ETV1: variants seen among roughly 807,000 people sequenced by gnomAD.
The protein encoded by ETV1 is ETS variant transcription factor 1.
In ETV1, 27 loss-of-function variants were observed where a neutral mutation model predicts 62.3. That is an observed-to-expected ratio of 0.43 (90% CI 0.32 to 0.60). The LOEUF is 0.60. Among genes scored for constraint, ETV1 ranks in the 20% least tolerant of loss-of-function variants. The pLI, the probability that ETV1 is intolerant of heterozygous loss-of-function variation, is 0.06. For synonymous variants in ETV1, 222 were observed against 199.6 expected (o/e 1.11, Z -0.94); for missense variants, 605 against 605.8 (o/e 1.00, Z 0.01).
upstream of ETV1, chr7:13,991,134 T>C (rs1300024768): frequency 6.6e-6 from 1 of 152,206 alleles, no homozygotes; most frequent in Non-Finnish European, 1.5e-5. Context: ...ATAAGCATTT[T>C]GAGCGGGAAC....
chr7:13,952,574 C>T (rs753137479), intron 6 of ETV1, among the ~76,000 whole-genome samples: 21 of 151,986 alleles, frequency 1.4e-4, no homozygotes, highest in Non-Finnish European at 2.8e-4. Flanking sequence ...ACATAATGCA[C>T]GTTAGAAAGA....
intron 9 of ETV1, among the ~76,000 whole-genome samples, chr7:13,914,405 T>C (rs1022728110): frequency 6.6e-6 from 1 of 152,090 alleles, no homozygotes; most frequent in Non-Finnish European, 1.5e-5. Context: ...GCCTATAATT[T>C]GTTACAGATG....
rs371614424 is a variant in ETV1 at position 13,939,193 on chromosome 7, A to G, written c.289T>C (p.Ser97Pro). Residue 97 changes from serine to proline, a missense_variant, in exon 7 of 14, where the codon TCA becomes CCA. Physicochemically the swap from Ser to Pro is moderately conservative, Grantham distance 74. Around this residue, in one of 3 missense-constraint regions of ETV1, gnomAD observed 426 missense variants for 377.8 expected, o/e 1.13. Transcript: ENST00000430479. ...KIKKEPHSPCSEISSACSQEQ... is the reference protein window; with the variant it reads ...KIKKEPHSPCPEISSACSQEQ... ...TGACTGCAGGCAGAGCTGATTTCTG[A>G]ACATGGACTGTGGGGTTCTTTCTTG... 1.2e-4 allele frequency: 192 copies of G among 1,612,918 alleles called. No homozygotes were observed. Among genetic ancestry groups the G allele is most frequent in the Middle Eastern group, 4.9e-4 (3 of 6,078 alleles).
chr7:13,979,655 A>T (rs532181201), intron 5 of ETV1, among the ~76,000 whole-genome samples: 1 of 152,174 alleles, frequency 6.6e-6, no homozygotes, highest in East Asian at 1.9e-4. Context: ...AGCTAAACAG[A>T]TATAACTATT....
chr7:13,918,866 A>C (rs1029671325), intron 9 of ETV1, among the ~76,000 whole-genome samples: 7 of 84,132 alleles, frequency 8.3e-5, no homozygotes, highest in African/African-American at 4.2e-4. Flanking sequence ...CTAAAACTTA[A>C]AGTATAATAA....
chr7:13,903,381 G>A (rs1259369434), intron 12 of ETV1, among the ~76,000 whole-genome samples: 1 of 152,158 alleles, frequency 6.6e-6, no homozygotes, highest in Non-Finnish European at 1.5e-5. Context: ...CTGGCTATCA[G>A]ACTTCCTGGT....
intron 13 of ETV1, among the ~76,000 whole-genome samples, chr7:13,897,329 G>A (rs906252834): frequency 1.3e-5 from 2 of 152,094 alleles, no homozygotes; most frequent in African/African-American, 2.4e-5. Flanking sequence ...TGTGTTCCTG[G>A]GTTATAAAGT....
intron 9 of ETV1, among the ~76,000 whole-genome samples, chr7:13,929,330 T>C (rs1411010550): frequency 6.6e-6 from 1 of 152,166 alleles, no homozygotes; most frequent in Non-Finnish European, 1.5e-5. Context: ...TCTTATACAA[T>C]CTGTTAAAAT....
chr7:13,988,719 C>CT (rs1227319647), intron 3 of ETV1: 5 of 1,612,518 alleles, frequency 3.1e-6, no homozygotes, highest in Non-Finnish European at 3.4e-6. Context: ...CAGCCAAAAA[C>CT]TTTGAGTGCA....
At chr7:13,961,312 G>T (rs1279797844) in intron 6 of ETV1, among the ~76,000 whole-genome samples, 5 of 152,028 alleles carry the variant, frequency 3.3e-5, no homozygotes, top group African/African-American at 9.7e-5. Context: ...GGTGATCTTT[G>T]GTCATTCACA....
chr7:13,906,562 T>A lies in ETV1; in HGVS notation c.978A>T (p.Gly326=). The change falls in exon 12 of 14, where the codon GGA becomes GGT. Residue 326 remains glycine, a synonymous_variant. Transcript: ENST00000430479. ...IKQEPGMYRE[G]PTYQRRGSLQ... The stretch of plus-strand genomic sequence containing the variant: ...GTGATCCTCGCCGTTGGTATGTGGG[T>A]CCTTCCCGATACATTCCTGGCTCTT... The A allele has an allele frequency of 6.2e-7, 1 of 1,611,984 alleles. No homozygotes were observed. The highest frequency in any genetic ancestry group is 8.5e-7 in the Non-Finnish European group (1 of 1,179,064).
chr7:13,979,649 A>G (rs61474076), intron 5 of ETV1, among the ~76,000 whole-genome samples: 1 of 152,128 alleles, frequency 6.6e-6, no homozygotes, highest in South Asian at 2.1e-4. Flanking sequence ...ATTAACAGCT[A>G]AACAGATATA....
intron 9 of ETV1, among the ~76,000 whole-genome samples, chr7:13,930,746 A>G (rs2128448949): frequency 6.6e-6 from 1 of 152,108 alleles, no homozygotes; most frequent in East Asian, 1.9e-4. Flanking sequence ...CCCTCTTAAT[A>G]TGTAAGAATT....
chr7:13,971,729 T>C (rs1030855534), intron 6 of ETV1, among the ~76,000 whole-genome samples: 3 of 152,224 alleles, frequency 2.0e-5, no homozygotes, highest in Non-Finnish European at 2.9e-5. Flanking sequence ...AATGAACTAA[T>C]GTAACCAAAT....
intron 7 of ETV1, 56 bp from the exon 8 acceptor site, chr7:13,935,952 A>C (rs2128456336): frequency 7.3e-7 from 1 of 1,364,860 alleles, no homozygotes; most frequent in Non-Finnish European, 1.0e-6. Flanking sequence ...AATTTTTTAA[A>C]AAAGTTTCTA....
chr7:13,898,888 A>T (rs929138601), intron 13 of ETV1, among the ~76,000 whole-genome samples: 6 of 152,304 alleles, frequency 3.9e-5, no homozygotes, highest in African/African-American at 1.4e-4. Flanking sequence ...AGTTCCAGCT[A>T]CTCAGGAGGC....
At chr7:13,920,162 C>G (rs1297819338) in intron 9 of ETV1, among the ~76,000 whole-genome samples, 1 of 152,134 alleles carries the variant, frequency 6.6e-6, no homozygotes, top group Non-Finnish European at 1.5e-5. Flanking sequence ...CCCTTTCCTG[C>G]CTGTAAAATC....
intron 3 of ETV1, chr7:13,988,423 A>ATATGTG (rs1782746415): frequency 5.2e-6 from 3 of 577,702 alleles, no homozygotes; most frequent in Non-Finnish European, 9.0e-6. Flanking sequence ...ACTATTTATC[A>ATATGTG]ATCATATATT....
chr7:13,988,898 T>C (rs1013055144), intron 3 of ETV1, 110 bp downstream of exon 3: 1 of 1,535,868 alleles, frequency 6.5e-7, no homozygotes, highest in Non-Finnish European at 8.9e-7. Flanking sequence ...ACAAAGCAGA[T>C]AAGTATCTGC....
Sources: gnomAD v4.1 joint callset for allele counts (sites outside exome capture counted in the v4.1 genomes callset) on GRCh38, gnomAD v4.1.1 for gene constraint, gnomAD v4.1.1 regional missense constraint, MANE v1.5 for transcripts, NCBI Gene and HGNC (gene_info 2026-07-23, HGNC 2026-07-21) for gene names.